The following TAFA2 variants were observed in gnomAD, a reference collection of about 807,000 sequenced individuals.
TAFA2 encodes the protein chemokine-like protein TAFA-2.
TAFA2 carries 7 observed loss-of-function variants against 18.8 expected under a neutral mutation model. The observed-to-expected ratio is 0.37, with a 90% CI of 0.21 to 0.70. The LOEUF (loss-of-function observed/expected upper bound fraction) is 0.70. Among genes scored for constraint, TAFA2 ranks in the 30% least tolerant of loss-of-function variants. The probability of loss-of-function intolerance (pLI) is 0.53; values close to 1 mark genes in which losing one functional copy is unlikely to be tolerated. For synonymous variants in TAFA2, 60 were observed against 54.2 expected (o/e 1.11, Z -0.47); for missense variants, 122 against 158.1 (o/e 0.77, Z 1.23).
chr12:61,732,277 T>G (rs1870487679), intron 4 of TAFA2, among the ~76,000 whole-genome samples: 1 of 152,092 alleles, frequency 6.6e-6, no homozygotes, highest in Non-Finnish European at 1.5e-5. Flanking sequence ...GTCAGTGAAA[T>G]AAGCAAGGAA....
At chr12:61,720,494 T>C (rs1176980750) in intron 4 of TAFA2, among the ~76,000 whole-genome samples, 1 of 152,170 alleles carries the variant, frequency 6.6e-6, no homozygotes, top group African/African-American at 2.4e-5. Flanking sequence ...TAAAGAATGA[T>C]GCCTCTCTCT....
chr12:62,078,890 C>T (rs1868277981), intron 1 of TAFA2, among the ~76,000 whole-genome samples: 1 of 152,202 alleles, frequency 6.6e-6, no homozygotes, highest in Non-Finnish European at 1.5e-5. Flanking sequence ...ATCACCAGAG[C>T]AATGCCATGT....
chr12:61,890,243 C>T (rs917290270), intron 1 of TAFA2: 1 of 152,270 alleles, frequency 6.6e-6, no homozygotes, highest in African/African-American at 2.4e-5. Flanking sequence ...TGTGACCCCA[C>T]CGTGTTTGCA....
chr12:61,827,958 C>T (rs1317401080), intron 2 of TAFA2, among the ~76,000 whole-genome samples: 1 of 151,942 alleles, frequency 6.6e-6, no homozygotes, highest in African/African-American at 2.4e-5. Context: ...TCATCTACTT[C>T]TCACTTTTAA....
intron 1 of TAFA2, among the ~76,000 whole-genome samples, chr12:62,168,784 T>G (rs1469879538): frequency 2.0e-5 from 3 of 151,990 alleles, no homozygotes; most frequent in Non-Finnish European, 4.4e-5. Context: ...CTGCAGTGAG[T>G]TATGATTGCA....
intron 1 of TAFA2, among the ~76,000 whole-genome samples, chr12:62,256,887 G>T (rs966935419): frequency 2.2e-4 from 34 of 152,062 alleles, no homozygotes; most frequent in Admixed American, 3.3e-4. Context: ...GCTGCTCTGA[G>T]AGCTGGTAAA....
chr12:61,787,443 C>A (rs1262251452), intron 2 of TAFA2, among the ~76,000 whole-genome samples: 1 of 151,638 alleles, frequency 6.6e-6, no homozygotes, highest in African/African-American at 2.4e-5. Context: ...CTATGTAAAT[C>A]TTTCATACCA....
chr12:61,907,367 T>A (rs1184428345), intron 1 of TAFA2, among the ~76,000 whole-genome samples: 1 of 152,168 alleles, frequency 6.6e-6, no homozygotes, highest in African/African-American at 2.4e-5. Context: ...AAGGGGTCAA[T>A]GTACAGCTCA....
chr12:61,960,354 G>T lies in TAFA2; in HGVS notation c.-1-92928C>A, dbSNP rs182601950. 1.5e-3 allele frequency among the ~76,000 whole-genome samples: 234 copies of T among 151,924 alleles called. 1 individual carries two copies. The highest frequency in any genetic ancestry group is 3.0e-3 in the Non-Finnish European group (206 of 67,938). On this transcript the variant is annotated intron_variant, in intron 1 of 4. Coordinates refer to ENST00000416284, the MANE Select transcript of TAFA2 (RefSeq NM_178539.5). ...ATATATCACAATAACCCATTACATT[G>T]TATGTTATTTAAAAACACAAACTGT...
At chr12:62,183,155 T>C (rs755257863) in intron 1 of TAFA2, among the ~76,000 whole-genome samples, 4 of 152,174 alleles carry the variant, frequency 2.6e-5, no homozygotes, top group Non-Finnish European at 5.9e-5. Context: ...GGAGCCCTCA[T>C]GAATAGTATT....
At chr12:62,116,677 T>C (rs1869976383) in intron 1 of TAFA2, among the ~76,000 whole-genome samples, 1 of 150,888 alleles carries the variant, frequency 6.6e-6, no homozygotes, top group Non-Finnish European at 1.5e-5. Flanking sequence ...GCTTTACTGT[T>C]GTGTCCCAGC....
At chr12:61,757,548 A>G (rs1038162832) in intron 2 of TAFA2, among the ~76,000 whole-genome samples, 15 of 152,018 alleles carry the variant, frequency 9.9e-5, no homozygotes, top group African/African-American at 3.6e-4. Flanking sequence ...GTCTTGAGTG[A>G]TCTAAGCCTA....
intron 1 of TAFA2, among the ~76,000 whole-genome samples, chr12:62,038,969 AGCTCATTACTGCATT>A (rs1415577357): frequency 9.9e-5 from 15 of 152,166 alleles, no homozygotes; most frequent in Non-Finnish European, 1.6e-4. Flanking sequence ...CTGACCTGAT[AGCTCATTACTGCATT>A]GCTCCTTTGC....
At chr12:61,970,109 A>C (rs1879197560) in intron 1 of TAFA2, among the ~76,000 whole-genome samples, 1 of 151,654 alleles carries the variant, frequency 6.6e-6, no homozygotes, top group Non-Finnish European at 1.5e-5. Context: ...TACCAAATTC[A>C]TGTCTTCATT....
chr12:61,946,336 C>T (rs1023013189), intron 1 of TAFA2, among the ~76,000 whole-genome samples: 2 of 146,012 alleles, frequency 1.4e-5, no homozygotes, highest in African/African-American at 2.5e-5. Context: ...AAACGTTAGA[C>T]CTAAAACCAT....
chr12:62,108,396 G>C (rs972522235), intron 1 of TAFA2, among the ~76,000 whole-genome samples: 8 of 152,008 alleles, frequency 5.3e-5, no homozygotes, highest in Non-Finnish European at 1.2e-4. Context: ...AGTTTAATGA[G>C]CATTTGGGTT....
intron 1 of TAFA2, among the ~76,000 whole-genome samples, chr12:61,870,056 A>C (rs1874532100): frequency 6.6e-6 from 1 of 152,206 alleles, no homozygotes; most frequent in Non-Finnish European, 1.5e-5. Flanking sequence ...GGTCAAACTG[A>C]TAACTAGACA....
chr12:62,078,785 T>C (rs991452564), intron 1 of TAFA2, among the ~76,000 whole-genome samples: 2 of 152,160 alleles, frequency 1.3e-5, no homozygotes, highest in African/African-American at 4.8e-5. Flanking sequence ...AAATTTCTTT[T>C]TGGCGTGATG....
intron 1 of TAFA2, among the ~76,000 whole-genome samples, chr12:61,901,016 G>A (rs947599574): frequency 6.6e-6 from 1 of 152,034 alleles, no homozygotes; most frequent in African/African-American, 2.4e-5. Flanking sequence ...TTTGAGCTGT[G>A]TCTGTGATTA....
Sources: gnomAD v4.1 joint callset for allele counts (sites outside exome capture counted in the v4.1 genomes callset) on GRCh38, gnomAD v4.1.1 for gene constraint, MANE v1.5 for transcripts, NCBI Gene and HGNC (gene_info 2026-07-23, HGNC 2026-07-21) for gene names.